RAD51B: variants seen among roughly 807,000 people sequenced by gnomAD.
RAD51B encodes RAD51 paralog B.
A neutral mutation model predicts 42.2 loss-of-function variants in RAD51B; 38 were observed. The ratio of observed to expected loss-of-function variants is 0.90; its 90% CI spans 0.70 to 1.18. RAD51B has a LOEUF of 1.18. RAD51B is among the 50% of genes most tolerant of loss of function. RAD51B has a pLI of 0.00. For synonymous variants in RAD51B, 154 were observed against 145.2 expected (o/e 1.06, Z -0.43); for missense variants, 373 against 400.7 (o/e 0.93, Z 0.59).
At chr14:68,523,789 C>A (rs1186183394) in intron 10 of RAD51B, among the ~76,000 whole-genome samples, 1 of 152,184 alleles carries the variant, frequency 6.6e-6, no homozygotes, top group African/African-American at 2.4e-5. Flanking sequence ...TATTTTCTAT[C>A]TGTGTTTGGT....
At chr14:68,306,710 A>G in intron 8 of RAD51B, 1 of 486,592 alleles carries the variant, frequency 2.1e-6, no homozygotes, top group Admixed American at 2.1e-5. Context: ...CTCGTTGAAA[A>G]CACATGAGTT....
chr14:67,990,583 C>T (rs549502114), intron 7 of RAD51B, among the ~76,000 whole-genome samples: 115 of 151,934 alleles, frequency 7.6e-4, no homozygotes, highest in African/African-American at 2.8e-3. Context: ...TTTGTTTACT[C>T]GAGAGGCAGA....
intron 7 of RAD51B, among the ~76,000 whole-genome samples, chr14:68,027,753 C>T (rs10129612): frequency 0.33 from 49,517 of 151,970 alleles, 11,504 homozygotes; most frequent in African/African-American, 0.66. Flanking sequence ...TTACTGGATT[C>T]CTTGGTTGAG....
chr14:68,033,859 G>C (rs1417520970), intron 7 of RAD51B, among the ~76,000 whole-genome samples: 1 of 152,158 alleles, frequency 6.6e-6, no homozygotes, highest in Non-Finnish European at 1.5e-5. Flanking sequence ...AACATAAACT[G>C]TCAGTTAAGA....
intron 10 of RAD51B, among the ~76,000 whole-genome samples, chr14:68,525,894 A>G (rs1239290350): frequency 6.6e-6 from 1 of 152,192 alleles, no homozygotes; most frequent in Non-Finnish European, 1.5e-5. Context: ...GAAGTTATCA[A>G]CTGGGAAATA....
Position 68,666,929 on chromosome 14 carries a change from C to T in RAD51B, c.*11+16073C>T, listed in dbSNP as rs541749783. 1.2e-4 allele frequency among the ~76,000 whole-genome samples: 19 copies of T among 152,278 alleles called. No homozygotes were observed. In the East Asian group the frequency reaches 3.5e-3, roughly 28 times the overall value. ...AGATGTGGACAGAAGTGATGTCTGC[C>T]TCTTTCAGGGTTGGCCTTTTAAAGC... On this transcript the variant is annotated intron_variant, in intron 11 of 11. Transcript: ENST00000488612.
chr14:67,868,114 A>G (rs1284498199), intron 5 of RAD51B, among the ~76,000 whole-genome samples: 1 of 152,220 alleles, frequency 6.6e-6, no homozygotes, highest in African/African-American at 2.4e-5. Context: ...GCTCTGGTCT[A>G]CAGCTCCCAG....
intron 8 of RAD51B, among the ~76,000 whole-genome samples, chr14:68,294,867 T>A (rs1422922485): frequency 6.6e-6 from 1 of 152,204 alleles, no homozygotes; most frequent in Non-Finnish European, 1.5e-5. Flanking sequence ...TGGGGACACT[T>A]CTGGTCTTGT....
intron 9 of RAD51B, among the ~76,000 whole-genome samples, chr14:68,467,084 T>C (rs906638965): frequency 1.3e-5 from 2 of 152,256 alleles, no homozygotes; most frequent in Non-Finnish European, 2.9e-5. Context: ...TCTTTGTTTC[T>C]GATAATGTTT....
At chr14:68,232,085 T>C (rs1287804101) in intron 7 of RAD51B, among the ~76,000 whole-genome samples, 1 of 152,046 alleles carries the variant, frequency 6.6e-6, no homozygotes, top group Non-Finnish European at 1.5e-5. Flanking sequence ...CTCGTAGAGA[T>C]AAATAGTTGG....
At chr14:67,881,786 A>G (rs2042914204) in intron 5 of RAD51B, among the ~76,000 whole-genome samples, 1 of 152,168 alleles carries the variant, frequency 6.6e-6, no homozygotes, top group Non-Finnish European at 1.5e-5. Flanking sequence ...AGTGCAATTC[A>G]TGTACCAGTT....
intron 7 of RAD51B, among the ~76,000 whole-genome samples, chr14:68,235,868 C>T (rs1257957792): frequency 6.6e-6 from 1 of 152,070 alleles, no homozygotes; most frequent in Non-Finnish European, 1.5e-5. Context: ...TAGAATACTA[C>T]ACAACCATAA....
At chr14:68,103,762 A>G (rs2077330673) in intron 7 of RAD51B, among the ~76,000 whole-genome samples, 1 of 152,238 alleles carries the variant, frequency 6.6e-6, no homozygotes, top group Non-Finnish European at 1.5e-5. Flanking sequence ...AGACCACTTC[A>G]GATAAGGAGG....
chr14:67,877,056 T>C (rs2042750857), intron 5 of RAD51B, among the ~76,000 whole-genome samples: 1 of 152,076 alleles, frequency 6.6e-6, no homozygotes. Context: ...GTTTCCCCTT[T>C]AGTAGGTATT....
chr14:67,877,883 T>C (rs1298110018), intron 5 of RAD51B, among the ~76,000 whole-genome samples: 1 of 152,180 alleles, frequency 6.6e-6, no homozygotes, highest in Non-Finnish European at 1.5e-5. Context: ...CAAACTGGTC[T>C]CAAACTCCTG....
intron 10 of RAD51B, among the ~76,000 whole-genome samples, chr14:68,638,766 C>CAG (rs1892394432): frequency 6.6e-6 from 1 of 152,098 alleles, no homozygotes; most frequent in Non-Finnish European, 1.5e-5. Flanking sequence ...GACGCACAAG[C>CAG]AGAGGGCTGT....
chr14:67,987,603 T>C (rs1264067410), intron 7 of RAD51B, among the ~76,000 whole-genome samples: 3 of 152,220 alleles, frequency 2.0e-5, no homozygotes, highest in Admixed American at 1.3e-4. Flanking sequence ...TTTTTCCTAT[T>C]TTAATGAAGA....
At chr14:68,261,664 G>T (rs111741860) in intron 7 of RAD51B, among the ~76,000 whole-genome samples, 2 of 152,024 alleles carry the variant, frequency 1.3e-5, no homozygotes, top group African/African-American at 4.8e-5. Flanking sequence ...AATTTTGACC[G>T]CGTAAAATTT....
At chr14:67,913,244 C>A (rs1181012345) in intron 7 of RAD51B, among the ~76,000 whole-genome samples, 1 of 152,138 alleles carries the variant, frequency 6.6e-6, no homozygotes, top group Non-Finnish European at 1.5e-5. Flanking sequence ...GATTATCAAC[C>A]TTTGGTGGAC....
Sources: gnomAD v4.1 joint callset for allele counts (sites outside exome capture counted in the v4.1 genomes callset) on GRCh38, gnomAD v4.1.1 for gene constraint, MANE v1.5 for transcripts, NCBI Gene and HGNC (gene_info 2026-07-23, HGNC 2026-07-21) for gene names.